PTPRT: variants seen among roughly 807,000 people sequenced by gnomAD.
PTPRT encodes the protein protein tyrosine phosphatase receptor type T, also known as receptor-type tyrosine-protein phosphatase T.
PTPRT carries 56 observed loss-of-function variants against 176.8 expected under a neutral mutation model. The ratio of observed to expected loss-of-function variants is 0.32; its 90% CI spans 0.26 to 0.40. PTPRT has a LOEUF of 0.40. Among genes scored for constraint, PTPRT ranks in the 10% least tolerant of loss-of-function variants. The probability of loss-of-function intolerance (pLI) is 1.00; values close to 1 mark genes in which losing one functional copy is unlikely to be tolerated. For missense variants in PTPRT, 1,540 were observed against 1,908.2 expected (o/e 0.81, Z 3.60); for synonymous variants, 783 against 739.0 (o/e 1.06, Z -0.96).
rs746139839 is a variant in PTPRT, at chr20:42,199,415, A to G, written c.2343-27T>C. 2.2e-5 allele frequency: 36 copies of G among 1,608,506 alleles called. No individual in the cohort carries two copies. In the Middle Eastern group the frequency reaches 6.6e-4, roughly 30 times the overall value. On this transcript the variant is annotated intron_variant, in intron 15 of 30. Coordinates refer to ENST00000373187, the MANE Select transcript of PTPRT (RefSeq NM_007050.6). ...TTTGGGACATGTGCAAGGGGAAAAAACCACAGTCAGATGGTGCCAGTTGCA... is the reference window on the plus strand; with the variant it reads ...TTTGGGACATGTGCAAGGGGAAAAAGCCACAGTCAGATGGTGCCAGTTGCA...
At chr20:42,354,937 T>C (rs1487660929) in intron 9 of PTPRT, among the ~76,000 whole-genome samples, 1 of 152,150 alleles carries the variant, frequency 6.6e-6, no homozygotes, top group Admixed American at 6.5e-5. Flanking sequence ...TTGGGCTTTT[T>C]TTCAAGCAGC....
chr20:42,363,898 C>T (rs1292034176), intron 9 of PTPRT, among the ~76,000 whole-genome samples: 3 of 152,020 alleles, frequency 2.0e-5, no homozygotes, highest in Non-Finnish European at 4.4e-5. Flanking sequence ...TGAAGAGTGG[C>T]CAGTCTTACT....
chr20:42,333,812 CTGGA>C (rs2058002393), intron 11 of PTPRT, among the ~76,000 whole-genome samples: 1 of 152,040 alleles, frequency 6.6e-6, no homozygotes, highest in African/African-American at 2.4e-5. Flanking sequence ...TGCTGAGTAG[CTGGA>C]ACTACAGGCA....
At chr20:42,343,500 C>G (rs1328974586) in intron 11 of PTPRT, among the ~76,000 whole-genome samples, 1 of 152,194 alleles carries the variant, frequency 6.6e-6, no homozygotes, top group Admixed American at 6.5e-5. Flanking sequence ...CATTTCTTAT[C>G]TGAACAATGT....
At chr20:43,036,813 A>G (rs1342682354) in intron 1 of PTPRT, among the ~76,000 whole-genome samples, 2 of 152,246 alleles carry the variant, frequency 1.3e-5, no homozygotes, top group African/African-American at 2.4e-5. Flanking sequence ...AAACAAAAAT[A>G]CATACCTGAC....
intron 17 of PTPRT, among the ~76,000 whole-genome samples, chr20:42,160,525 AGGGGTG>A (rs1989548075): frequency 2.6e-5 from 1 of 38,926 alleles, no homozygotes; most frequent in African/African-American, 1.0e-4. Context: ...CTGGATGCTG[AGGGGTG>A]GGGGTGGAGG....
intron 9 of PTPRT, among the ~76,000 whole-genome samples, chr20:42,416,745 A>T (rs887364003): frequency 6.6e-6 from 1 of 152,220 alleles, no homozygotes; most frequent in African/African-American, 2.4e-5. Context: ...CATCAACTTG[A>T]TAAAATATTA....
At position 42,892,949 on chromosome 20, in the gene PTPRT, C is replaced by T. The variant is rs143148540; in HGVS notation, c.89-7017G>A. On this transcript the variant is annotated intron_variant, in intron 1 of 30. Coordinates refer to ENST00000373187, the MANE Select transcript of PTPRT (RefSeq NM_007050.6). ...GGCTGGGGCCCACAGAGAAAGCTCTCATCCACTGTCATTGGGCTTCTCCTG... is the reference window on the plus strand; with the variant it reads ...GGCTGGGGCCCACAGAGAAAGCTCTTATCCACTGTCATTGGGCTTCTCCTG... Among the ~76,000 whole-genome samples, 4 of 152,306 alleles carry T rather than the reference C, an allele frequency of 2.6e-5. No individual in the cohort carries two copies. In the East Asian group the frequency reaches 7.7e-4, roughly 29 times the overall value.
intron 16 of PTPRT, among the ~76,000 whole-genome samples, chr20:42,198,613 T>C (rs1411699871): frequency 6.6e-6 from 1 of 152,232 alleles, no homozygotes; most frequent in African/African-American, 2.4e-5. Flanking sequence ...TTAACCCTGA[T>C]ATCTTAACCA....
chr20:42,986,735 G>A (rs1379212915), intron 1 of PTPRT, among the ~76,000 whole-genome samples: 2 of 152,156 alleles, frequency 1.3e-5, no homozygotes, highest in African/African-American at 4.8e-5. Context: ...CTCCTACAAG[G>A]TAGATAGTAT....
At chr20:43,056,304 A>C (rs1467695382) in intron 1 of PTPRT, among the ~76,000 whole-genome samples, 1 of 152,100 alleles carries the variant, frequency 6.6e-6, no homozygotes, top group Non-Finnish European at 1.5e-5. Flanking sequence ...ACCCACTCTC[A>C]TCCCACTACC....
At chr20:43,075,748 C>T (rs1465711681) in intron 1 of PTPRT, among the ~76,000 whole-genome samples, 1 of 152,166 alleles carries the variant, frequency 6.6e-6, no homozygotes, top group Non-Finnish European at 1.5e-5. Flanking sequence ...CAAATAAAAT[C>T]TGAAATGGAG....
rs139296763 is a variant in PTPRT at position 42,799,792 on chromosome 20, G to A, written c.215-8326C>T. On this transcript the variant is annotated intron_variant, in intron 2 of 30. Coordinates refer to ENST00000373187, the MANE Select transcript of PTPRT (RefSeq NM_007050.6). ...AAGAATTCTGTCTGTTTCTTCACGT[G>A]CAAAACAGGTATATATACAGGTAGA... Among the ~76,000 whole-genome samples the A allele has an allele frequency of 7.3e-4, 111 of 152,234 alleles. 1 individual carries two copies. The Middle Eastern group carries it at 0.024, about 33-fold the overall frequency.
At chr20:43,074,742 T>C (rs1006983620) in intron 1 of PTPRT, among the ~76,000 whole-genome samples, 2 of 152,200 alleles carry the variant, frequency 1.3e-5, no homozygotes, top group Admixed American at 6.5e-5. Context: ...AGATTTCTAA[T>C]TGGGTCTTGC....
At chr20:42,735,600 AGTT>A (rs2076527645) in intron 6 of PTPRT, among the ~76,000 whole-genome samples, 1 of 152,178 alleles carries the variant, frequency 6.6e-6, no homozygotes, top group Non-Finnish European at 1.5e-5. Flanking sequence ...TGTCATTAGC[AGTT>A]GCTACAAACA....
intron 6 of PTPRT, among the ~76,000 whole-genome samples, chr20:42,741,253 G>A (rs1204749257): frequency 6.6e-6 from 1 of 152,128 alleles, no homozygotes; most frequent in Non-Finnish European, 1.5e-5. Flanking sequence ...ATTTGGGACT[G>A]GGTGAACTCT....
At chr20:42,333,329 T>C (rs903628181) in intron 11 of PTPRT, among the ~76,000 whole-genome samples, 3 of 152,200 alleles carry the variant, frequency 2.0e-5, no homozygotes, top group Non-Finnish European at 4.4e-5. Context: ...TTTATATTAA[T>C]ATGTATAGGC....
At chr20:42,760,414 G>T (rs2076899030) in intron 5 of PTPRT, among the ~76,000 whole-genome samples, 1 of 134,658 alleles carries the variant, frequency 7.4e-6, no homozygotes, top group Admixed American at 8.0e-5. Flanking sequence ...TTTTACACAT[G>T]GGGCTGGGAA....
At chr20:42,152,280 C>G (rs897512200) in intron 17 of PTPRT, among the ~76,000 whole-genome samples, 1 of 152,040 alleles carries the variant, frequency 6.6e-6, no homozygotes, top group African/African-American at 2.4e-5. Context: ...AAGCACAAGA[C>G]TTAGGGATTA....
Sources: allele counts gnomAD v4.1 joint callset (sites outside exome capture counted in the v4.1 genomes callset), GRCh38; gene constraint gnomAD v4.1.1; transcripts MANE v1.5; gene names NCBI Gene and HGNC (gene_info 2026-07-23, HGNC 2026-07-21).